The following PLXNC1 variants were observed in gnomAD, a reference collection of about 807,000 sequenced individuals.
The protein encoded by PLXNC1 is plexin-C1.
PLXNC1 carries 75 observed loss-of-function variants against 178.2 expected under a neutral mutation model. The observed-to-expected ratio is 0.42, with a 90% CI of 0.35 to 0.51. PLXNC1 has a LOEUF of 0.51. Among genes scored for constraint, PLXNC1 ranks in the 20% least tolerant of loss-of-function variants. The probability of loss-of-function intolerance (pLI) is 0.02; values close to 1 mark genes in which losing one functional copy is unlikely to be tolerated. For synonymous variants in PLXNC1, 790 were observed against 779.9 expected (o/e 1.01, Z -0.22); for missense variants, 1,503 against 1,984.4 (o/e 0.76, Z 4.61).
chr12:94,205,809 C>T (rs1179293042), intron 4 of PLXNC1, among the ~76,000 whole-genome samples: 1 of 152,200 alleles, frequency 6.6e-6, no homozygotes, highest in Non-Finnish European at 1.5e-5. Context: ...TGGCCCAGCT[C>T]CACCCTGCAA....
chr12:94,262,866 A>C, intron 20 of PLXNC1: 28 of 799,260 alleles, frequency 3.5e-5, no homozygotes, highest in South Asian at 1.1e-4. Flanking sequence ...ATCTTTTCTC[A>C]TTTCATCCCC....
chr12:94,260,754 C>G lies in PLXNC1; in HGVS notation c.3364C>G (p.Pro1122Ala). Residue 1122 changes from proline (P) to alanine (A), a missense_variant, in exon 20 of 31, where the codon CCG (proline) becomes GCG (alanine). Pro to Ala is a conservative substitution (Grantham distance 27, BLOSUM62 -1). Coordinates refer to ENST00000258526, the MANE Select transcript of PLXNC1 (RefSeq NM_005761.3). This position sits in a 1 kb window ranked among gnomAD's most constrained non-coding sequence, Gnocchi z 4.4. ...DLMEQCSNMQ[P>A]KLMLRRTESV... ...GATGGAACAGTGTAGTAACATGCAG[C>G]CGAAACTCATGCTGAGACGCACGGA... is the stretch of plus-strand genomic sequence containing the variant. 6.2e-7 allele frequency: 1 copy of G among 1,614,148 alleles called. No individual in the cohort carries two copies. Among genetic ancestry groups the G allele is most frequent in the Non-Finnish European group, 8.5e-7 (1 of 1,179,980 alleles).
intron 4 of PLXNC1, among the ~76,000 whole-genome samples, chr12:94,204,804 C>T (rs1213254608): frequency 6.6e-6 from 1 of 152,226 alleles, no homozygotes; most frequent in Non-Finnish European, 1.5e-5. Context: ...TAGCAAAGCC[C>T]TCCCCCAGCA....
chr12:94,165,953 C>T (rs1961592006), intron 1 of PLXNC1, among the ~76,000 whole-genome samples: 1 of 151,982 alleles, frequency 6.6e-6, no homozygotes, highest in Admixed American at 6.6e-5. Flanking sequence ...AACTTATTCC[C>T]AGAAATCCTT....
chr12:94,194,136 AG>A (rs1239374795), intron 4 of PLXNC1, among the ~76,000 whole-genome samples: 1 of 152,058 alleles, frequency 6.6e-6, no homozygotes, highest in Non-Finnish European at 1.5e-5. Context: ...ACAGGAGGAA[AG>A]GGGGGTTGGG....
intron 4 of PLXNC1, among the ~76,000 whole-genome samples, chr12:94,194,926 G>T (rs1225904815): frequency 3.9e-5 from 6 of 152,174 alleles, no homozygotes; most frequent in Admixed American, 3.9e-4. Flanking sequence ...GTTGGGAAAG[G>T]CTTCAACGAG....
chr12:94,212,722 C>CTTTTTTT (rs538048142), intron 5 of PLXNC1, among the ~76,000 whole-genome samples: 1 of 136,160 alleles, frequency 7.3e-6, no homozygotes. Flanking sequence ...CTTTTCTTTT[C>CTTTTTTT]TTTTTTTTTT....
At chr12:94,204,623 T>G (rs1963241096) in intron 4 of PLXNC1, among the ~76,000 whole-genome samples, 1 of 152,230 alleles carries the variant, frequency 6.6e-6, no homozygotes, top group African/African-American at 2.4e-5. Flanking sequence ...ACAGACTTCC[T>G]ATTCTCGTCC....
chr12:94,176,326 A>G (rs1962047501), intron 2 of PLXNC1: 1 of 152,170 alleles, frequency 6.6e-6, no homozygotes, highest in Non-Finnish European at 1.5e-5. Context: ...CAAGTGTTCC[A>G]TTAGTGCCTG....
At chr12:94,215,767 G>A (rs1473163671) in intron 5 of PLXNC1, among the ~76,000 whole-genome samples, 2 of 151,906 alleles carry the variant, frequency 1.3e-5, no homozygotes, top group Non-Finnish European at 2.9e-5. Context: ...CTATGGAAAC[G>A]TAATTTCATA....
At chr12:94,289,080 A>G (rs1400216264) in intron 23 of PLXNC1, among the ~76,000 whole-genome samples, 1 of 152,228 alleles carries the variant, frequency 6.6e-6, no homozygotes, top group Non-Finnish European at 1.5e-5. Flanking sequence ...GGTTAAACAT[A>G]AGTTCAACCT....
chr12:94,289,452 G>C lies in PLXNC1; in HGVS notation c.3880-5034G>C, dbSNP rs148335721. Among the ~76,000 whole-genome samples the C allele has an allele frequency of 2.0e-3, 307 of 152,314 alleles. 1 individual carries two copies. The highest frequency in any genetic ancestry group is 6.6e-3 in the African/African-American group (273 of 41,574). On this transcript the variant is annotated intron_variant, in intron 23 of 30. Transcript: ENST00000258526. ...CGTACCAGTTCTGCTCTGGGCTGGA[G>C]AAACAATCCTGCTGCAGATCCATCT... is the stretch of plus-strand genomic sequence containing the variant.
chr12:94,171,703 C>T (rs942570966), intron 2 of PLXNC1, among the ~76,000 whole-genome samples: 1 of 152,198 alleles, frequency 6.6e-6, no homozygotes, highest in Non-Finnish European at 1.5e-5. Context: ...GCTGGGGACA[C>T]ATGCTCCTGG....
chr12:94,267,964 A>G (rs1259724329), intron 21 of PLXNC1, among the ~76,000 whole-genome samples: 2 of 152,136 alleles, frequency 1.3e-5, no homozygotes, highest in Admixed American at 1.3e-4. Flanking sequence ...AGGTGCGGTG[A>G]ACAAACTGAT....
At chr12:94,271,573 G>C (rs1345336811) in intron 21 of PLXNC1, among the ~76,000 whole-genome samples, 2 of 152,310 alleles carry the variant, frequency 1.3e-5, no homozygotes, top group East Asian at 3.9e-4. Context: ...TTGAATCTGG[G>C]CTCAGCCACT....
At chr12:94,253,492 G>A (rs902200428) in intron 15 of PLXNC1, among the ~76,000 whole-genome samples, 1 of 152,156 alleles carries the variant, frequency 6.6e-6, no homozygotes, top group Non-Finnish European at 1.5e-5. Context: ...GTGGTCCCAA[G>A]TGACTGTCCT....
chr12:94,186,046 C>T (rs1962495352), intron 3 of PLXNC1: 1 of 218,216 alleles, frequency 4.6e-6, no homozygotes, highest in South Asian at 7.0e-5. Context: ...AAGTTCAAAA[C>T]CAGCCTGGGC....
intron 21 of PLXNC1, 48 bp downstream of exon 21, chr12:94,265,273 G>A (rs138642204): frequency 9.6e-5 from 149 of 1,551,784 alleles, no homozygotes; most frequent in East Asian, 4.3e-4. Context: ...TAAATCTGGC[G>A]GGGAATTAGA....
At chr12:94,197,301 C>T (rs747194584) in intron 4 of PLXNC1, among the ~76,000 whole-genome samples, 5 of 152,150 alleles carry the variant, frequency 3.3e-5, no homozygotes, top group Non-Finnish European at 7.3e-5. Context: ...TGGAACCTTT[C>T]GGACGTGATT....
Sources: allele counts gnomAD v4.1 joint callset (sites outside exome capture counted in the v4.1 genomes callset), GRCh38; gene constraint gnomAD v4.1.1; non-coding constraint Gnocchi (gnomAD v3.1); transcripts MANE v1.5; gene names NCBI Gene and HGNC (gene_info 2026-07-23, HGNC 2026-07-21).